Variants in SPR observed in about 807,000 individuals in gnomAD.
The protein encoded by SPR is Sepiapterin reductase (L-erythro-7,8-dihydrobiopterin forming).
In SPR, 12 loss-of-function variants were observed where a neutral mutation model predicts 16.0. The ratio of observed to expected loss-of-function variants is 0.75; its 90% CI spans 0.48 to 1.22. SPR has a LOEUF of 1.22. Among genes scored for constraint, SPR ranks in the 50% most tolerant of loss-of-function variants. The pLI is 0.00. For missense variants in SPR, 324 were observed against 344.4 expected (o/e 0.94, Z 0.47); for synonymous variants, 177 against 168.5 (o/e 1.05, Z -0.39).
chr2:72,887,520 C>T lies in SPR; in HGVS notation c.88C>T (p.Leu30=), dbSNP rs1670558089. Reference sequence around the variant, plus strand: ...GACGCTGGCCCCGCTCCTGGCCTCGCTGCTGTCGCCCGGCTCCGTGCTTGT... The same window carrying T: ...GACGCTGGCCCCGCTCCTGGCCTCGTTGCTGTCGCCCGGCTCCGTGCTTGT... The part of the protein sequence containing the change: ...GRTLAPLLAS[L]LSPGSVLVLS... Residue 30 remains leucine, a synonymous_variant, in exon 1 of 3, where the codon CTG becomes TTG. Transcript: ENST00000234454. The T allele has an allele frequency of 1.3e-6, 2 of 1,487,394 alleles. No individual in the cohort carries two copies. Among genetic ancestry groups the T allele is most frequent in the Middle Eastern group, 2.3e-4 (1 of 4,442 alleles). The allele number at this position is 1,487,394 out of a possible 1,614,324, so 92.1% of individuals were successfully genotyped here. A position where few individuals can be genotyped will look rare whatever the true frequency, so the allele number is the denominator to read the frequency against.
chr2:72,887,452 G>A lies in SPR; in HGVS notation c.20G>A (p.Arg7His), dbSNP rs1670556234. 9 of 1,504,904 alleles carry A rather than the reference G, an allele frequency of 6.0e-6. No individual in the cohort carries two copies. The highest frequency in any genetic ancestry group is 7.1e-6 in the Non-Finnish European group (8 of 1,132,850). The allele number at this position is 1,504,904 out of a possible 1,614,324, so 93.2% of individuals were successfully genotyped here. A position where few individuals can be genotyped will look rare whatever the true frequency, so the allele number is the denominator to read the frequency against. ...AGGAGCATGGAGGGCGGGCTGGGGC[G>A]TGCTGTGTGCTTGCTGACCGGGGCC... MEGGLG[R>H]AVCLLTGASR... The change falls in exon 1 of 3, where the codon CGT becomes CAT. Residue 7 changes from arginine to histidine, a missense_variant. Arg to His is a conservative substitution (Grantham distance 29). Coordinates refer to ENST00000234454, the MANE Select transcript of SPR (RefSeq NM_003124.5).
chr2:72,891,711 T>TA lies in SPR; in HGVS notation c.*175dup. On this transcript the variant is annotated 3_prime_UTR_variant, in exon 3 of 3. Coordinates refer to ENST00000234454, the MANE Select transcript of SPR (RefSeq NM_003124.5). ...CTGTGAGCTCCCAGGTCATTGGCCTTACCAGTTGTCAGGAGTCTGTGCTGT... is the reference window on the plus strand; with the variant it reads ...CTGTGAGCTCCCAGGTCATTGGCCTTAACCAGTTGTCAGGAGTCTGTGCTGT... The TA allele has an allele frequency of 3.9e-6, 3 of 760,260 alleles. No homozygotes were observed. The highest frequency in any genetic ancestry group is 6.6e-6 in the Non-Finnish European group (3 of 452,072). The allele number at this position is 760,260 out of a possible 1,614,324, so 47.1% of individuals were successfully genotyped here. A position where few individuals can be genotyped will look rare whatever the true frequency, so the allele number is the denominator to read the frequency against.
chr2:72,891,663 G>T lies in SPR; in HGVS notation c.*126G>T. On this transcript the variant is annotated 3_prime_UTR_variant, in exon 3 of 3. Coordinates refer to ENST00000234454, the MANE Select transcript of SPR (RefSeq NM_003124.5). ...ACACATAGAAGCATTCATGCCTGCT[G>T]CCCTGCCCTCAGGCACAGCCAGCTG... The T allele has an allele frequency of 8.7e-7, 1 of 1,154,172 alleles. No homozygotes were observed. The allele number at this position is 1,154,172 out of a possible 1,614,324, so 71.5% of individuals were successfully genotyped here. A position where few individuals can be genotyped will look rare whatever the true frequency, so the allele number is the denominator to read the frequency against.
Position 72,891,500 on chromosome 2 carries a change from T to A in SPR, c.749T>A (p.Phe250Tyr). The change falls in exon 3 of 3, where the codon TTC (phenylalanine) becomes TAC (tyrosine). Residue 250 changes from phenylalanine (F) to tyrosine (Y), a missense_variant. Physicochemically the swap from Phe to Tyr is conservative, Grantham distance 22. Transcript: ENST00000234454. Reference protein sequence around the residue: ...KLLSLLEKDEFKSGAHVDFYD... With the variant: ...KLLSLLEKDEYKSGAHVDFYD... The stretch of plus-strand genomic sequence containing the variant: ...CTGAGCTTACTGGAAAAGGACGAGT[T>A]CAAGTCTGGAGCCCACGTGGACTTC... 6.2e-7 allele frequency: 1 copy of A among 1,614,260 alleles called. No homozygotes were observed. Among genetic ancestry groups the A allele is most frequent in the Non-Finnish European group, 8.5e-7 (1 of 1,180,046 alleles).
chr2:72,890,940 G>T (rs1356994556), intron 2 of SPR, among the ~76,000 whole-genome samples: 1 of 152,192 alleles, frequency 6.6e-6, no homozygotes, highest in Admixed American at 6.5e-5. Context: ...GGGCCTGATT[G>T]TCGGGATGTG....
intron 1 of SPR, among the ~76,000 whole-genome samples, chr2:72,887,967 G>A (rs1004905235): frequency 6.6e-6 from 1 of 152,222 alleles, no homozygotes; most frequent in Admixed American, 6.5e-5. Context: ...TTTCCAAAGC[G>A]CCTGTAGAAC....
chr2:72,890,428 A>G (rs534530086), intron 2 of SPR, among the ~76,000 whole-genome samples: 14 of 152,052 alleles, frequency 9.2e-5, no homozygotes, highest in African/African-American at 3.1e-4. Flanking sequence ...TGCAAGCTCC[A>G]CCTCCCAGGT....
chr2:72,888,924 C>T (rs993621925), intron 2 of SPR, among the ~76,000 whole-genome samples: 2 of 152,190 alleles, frequency 1.3e-5, no homozygotes, highest in South Asian at 4.1e-4. Flanking sequence ...CGCTCCCTGC[C>T]TCACAGGGCA....
Position 72,891,657 on chromosome 2 carries a change from C to A in SPR, c.*120C>A. On this transcript the variant is annotated 3_prime_UTR_variant, in exon 3 of 3. Coordinates refer to ENST00000234454, the MANE Select transcript of SPR (RefSeq NM_003124.5). ...TGCCTTACACATAGAAGCATTCATG[C>A]CTGCTGCCCTGCCCTCAGGCACAGC... The A allele has an allele frequency of 2.6e-6, 3 of 1,168,944 alleles. No individual in the cohort carries two copies. The highest frequency in any genetic ancestry group is 3.7e-6 in the Non-Finnish European group (3 of 808,954). The allele number at this position is 1,168,944 out of a possible 1,614,324, so 72.4% of individuals were successfully genotyped here.
In SPR at chr2:72,887,429, G is replaced by C. The variant is rs778710354; in HGVS notation, c.-4G>C. On this transcript the variant is annotated 5_prime_UTR_variant, in exon 1 of 3. Coordinates refer to ENST00000234454, the MANE Select transcript of SPR (RefSeq NM_003124.5). ...TGCCAGCGCCGCCGGCGGAGAACAG[G>C]AGCATGGAGGGCGGGCTGGGGCGTG... 41 of 1,490,146 alleles carry C rather than the reference G, an allele frequency of 2.8e-5. No homozygotes were observed. The highest frequency in any genetic ancestry group is 4.6e-5 in the Admixed American group (2 of 43,520). The allele number at this position is 1,490,146 out of a possible 1,614,324, so 92.3% of individuals were successfully genotyped here. A position where few individuals can be genotyped will look rare whatever the true frequency, so the allele number is the denominator to read the frequency against.
At position 72,891,573 on chromosome 2, in the gene SPR, C is replaced by A; in HGVS notation, c.*36C>A. On this transcript the variant is annotated 3_prime_UTR_variant, in exon 3 of 3. Coordinates refer to ENST00000234454, the MANE Select transcript of SPR (RefSeq NM_003124.5). ...TTGGCTTCCTGAACCTTTTTGCCCC[C>A]ACTTTTAGACATACCCCAGAGCCCT... The A allele has an allele frequency of 1.9e-6, 3 of 1,611,768 alleles. No individual in the cohort carries two copies. Among genetic ancestry groups the A allele is most frequent in the Non-Finnish European group, 2.5e-6 (3 of 1,178,490 alleles).
intron 2 of SPR, among the ~76,000 whole-genome samples, chr2:72,889,481 C>T: frequency 6.6e-6 from 1 of 152,164 alleles, no homozygotes; most frequent in East Asian, 1.9e-4. Context: ...ATGGCCTGCA[C>T]AAAGCACAGA....
chr2:72,888,153 T>A (rs1311851259), intron 1 of SPR, among the ~76,000 whole-genome samples, 161 bp from the exon 2 acceptor site: 5 of 152,190 alleles, frequency 3.3e-5, no homozygotes, highest in African/African-American at 1.2e-4. Flanking sequence ...CCCAGCTGTG[T>A]CTTTCCGCAG....
intron 2 of SPR, among the ~76,000 whole-genome samples, chr2:72,890,235 C>T (rs1011866343): frequency 6.6e-6 from 1 of 152,110 alleles, no homozygotes; most frequent in East Asian, 1.9e-4. Flanking sequence ...GTAGGTGTGC[C>T]CAGAGGAGGG....
Position 72,891,476 on chromosome 2 carries a change from T to G in SPR, c.725T>G (p.Leu242Arg), listed in dbSNP as rs201933805. The G allele has an allele frequency of 1.2e-6, 2 of 1,614,100 alleles. No homozygotes were observed. Among genetic ancestry groups the G allele is most frequent in the Non-Finnish European group, 1.7e-6 (2 of 1,179,916 alleles). The change falls in exon 3 of 3, where the codon CTG (leucine) becomes CGG (arginine). Residue 242 changes from leucine to arginine, a missense_variant. By Grantham distance (102) the Leu-to-Arg change is moderately radical. Coordinates refer to ENST00000234454, the MANE Select transcript of SPR (RefSeq NM_003124.5). The stretch of plus-strand genomic sequence containing the variant: ...TGCAAGGTGTCAGCCCAGAAACTGC[T>G]GAGCTTACTGGAAAAGGACGAGTTC... ...VDCKVSAQKL[L>R]SLLEKDEFKS...
intron 1 of SPR, among the ~76,000 whole-genome samples, chr2:72,887,951 C>T (rs1012437428): frequency 6.6e-6 from 1 of 152,256 alleles, no homozygotes; most frequent in Non-Finnish European, 1.5e-5. Flanking sequence ...AATTGGCCAG[C>T]CGGGTTTTCC....
chr2:72,888,761 G>A (rs923026096), intron 2 of SPR, among the ~76,000 whole-genome samples, 157 bp downstream of exon 2: 1 of 152,232 alleles, frequency 6.6e-6, no homozygotes, highest in Non-Finnish European at 1.5e-5. Context: ...ACAGACCCAG[G>A]GGAAATAGAG....
intron 1 of SPR, 57 bp from the exon 2 acceptor site, chr2:72,888,257 C>T (rs1374041208): frequency 3.8e-6 from 6 of 1,572,288 alleles, no homozygotes; most frequent in Non-Finnish European, 4.4e-6. Flanking sequence ...CTTGGGAGGG[C>T]TGGGGAAGAA....
intron 2 of SPR, among the ~76,000 whole-genome samples, chr2:72,890,396 G>A (rs974705951): frequency 6.6e-6 from 1 of 152,226 alleles, no homozygotes; most frequent in Non-Finnish European, 1.5e-5. Flanking sequence ...AGGCTGGAGT[G>A]CAGTGGCACG....
Sources: gnomAD v4.1 joint callset for allele counts (sites outside exome capture counted in the v4.1 genomes callset) on GRCh38, gnomAD v4.1.1 for gene constraint, MANE v1.5 for transcripts, NCBI Gene and HGNC (gene_info 2026-07-23, HGNC 2026-07-21) for gene names.